Variants in EIF2B3 observed in about 807,000 individuals in gnomAD.
The protein encoded by EIF2B3 is translation initiation factor eIF2B subunit gamma.
A neutral mutation model predicts 54.1 loss-of-function variants in EIF2B3; 20 were observed. The observed-to-expected ratio is 0.37, with a 90% confidence interval of 0.26 to 0.54. The LOEUF is 0.54. EIF2B3 is among the 20% of genes least tolerant of loss of function. EIF2B3 has a pLI of 0.86. For synonymous variants in EIF2B3, 153 were observed against 188.1 expected, an observed-to-expected ratio of 0.81 and a Z score of 1.52; for missense variants, 448 against 547.8, an observed-to-expected ratio of 0.82 and a Z score of 1.82.
intron 3 of EIF2B3, among the ~76,000 whole-genome samples, chr1:44,959,551 G>A (rs188601105): frequency 1.7e-4 from 26 of 152,186 alleles, no homozygotes; most frequent in African/African-American, 2.6e-4. Context: ...TCTAAAAAAC[G>A]TAAAGATAAT....
chr1:44,907,513 G>A (rs773241986), intron 5 of EIF2B3, among the ~76,000 whole-genome samples: 4 of 152,084 alleles, frequency 2.6e-5, no homozygotes, highest in African/African-American at 4.8e-5. Context: ...AGCCAAGATC[G>A]TGCCATTGCA....
At chr1:44,867,309 C>T (rs1043185913) in intron 10 of EIF2B3, among the ~76,000 whole-genome samples, 1 of 152,110 alleles carries the variant, frequency 6.6e-6, no homozygotes. Context: ...GTGTTTACTA[C>T]ATTGTGGATT....
Position 44,983,465 on chromosome 1 carries a change from G to A in EIF2B3, c.-9-2288C>T, listed in dbSNP as rs115289488. The stretch of plus-strand genomic sequence containing the variant: ...CATAACATTCACAATGTAAAGATAT[G>A]GTCATGTAGATTCTAGCAAGCATTG... On this transcript the variant is annotated intron_variant, in intron 1 of 11. Coordinates refer to ENST00000360403, the MANE Select transcript of EIF2B3 (RefSeq NM_020365.5). Among the ~76,000 whole-genome samples, 791 of 152,292 alleles carry A rather than the reference G, an allele frequency of 5.2e-3. 9 individuals carry two copies. Among genetic ancestry groups the A allele is most frequent in the African/African-American group, 0.018 (753 of 41,550 alleles).
At chr1:44,892,745 C>T (rs1395349969) in intron 6 of EIF2B3, among the ~76,000 whole-genome samples, 1 of 152,202 alleles carries the variant, frequency 6.6e-6, no homozygotes, top group Non-Finnish European at 1.5e-5. Flanking sequence ...TTGGCAGCAC[C>T]TGCATCTTCA....
intron 5 of EIF2B3, among the ~76,000 whole-genome samples, chr1:44,914,613 A>G (rs1451346912): frequency 6.6e-6 from 1 of 152,244 alleles, no homozygotes; most frequent in African/African-American, 2.4e-5. Context: ...CTTATTTTAC[A>G]GAATTCAAGG....
In EIF2B3 at chr1:44,942,377, T is replaced by TTTTATATATATATA. The variant is rs1318229963; in HGVS notation, c.295-713_295-712insTATATATATATAAA. On this transcript the variant is annotated intron_variant, in intron 3 of 11. Transcript: ENST00000360403. ...TCTCTTATTGGTGGGCTTTCTGATT[T>TTTTATATATATATA]TATATATATATATATATATATATAT... Among the ~76,000 whole-genome samples, 3 of 21,598 alleles carry TTTTATATATATATA rather than the reference T, an allele frequency of 1.4e-4. 1 individual carries two copies. The highest frequency in any genetic ancestry group is 8.9e-4 in the African/African-American group (3 of 3,376). 14.2% of individuals were successfully genotyped at this position (21,598 alleles called of 152,430 possible).
At chr1:44,951,556 T>C (rs535704024) in intron 3 of EIF2B3, among the ~76,000 whole-genome samples, 2 of 152,188 alleles carry the variant, frequency 1.3e-5, no homozygotes, top group Non-Finnish European at 2.9e-5. Flanking sequence ...CAGGTAAAGA[T>C]GCTAGTTATA....
chr1:44,938,969 C>T (rs1203839363), intron 4 of EIF2B3, among the ~76,000 whole-genome samples: 2 of 151,642 alleles, frequency 1.3e-5, no homozygotes, highest in Admixed American at 6.6e-5. Context: ...GGCATGGTGG[C>T]GAGTGCCTAT....
chr1:44,953,150 G>GT (rs1211291987), intron 3 of EIF2B3, among the ~76,000 whole-genome samples: 1 of 95,926 alleles, frequency 1.0e-5, no homozygotes, highest in Non-Finnish European at 1.9e-5. Context: ...CTCCATAAGT[G>GT]TAAAAAAAAA....
At chr1:44,857,842 G>C (rs376165243) in intron 10 of EIF2B3, 35 bp from the exon 11 acceptor site, 28 of 1,594,706 alleles carry the variant, frequency 1.8e-5, no homozygotes, top group Non-Finnish European at 2.4e-5. Context: ...GAGGACCCAA[G>C]GCTCGCATCA....
chr1:44,954,028 C>T (rs1315218915), intron 3 of EIF2B3, among the ~76,000 whole-genome samples: 1 of 152,040 alleles, frequency 6.6e-6, no homozygotes, highest in East Asian at 1.9e-4. Flanking sequence ...GAAAGTGATC[C>T]TGCTATCAGA....
At chr1:44,897,263 G>T in intron 6 of EIF2B3, 92 bp downstream of exon 6, 1 of 902,732 alleles carries the variant, frequency 1.1e-6, no homozygotes, top group Non-Finnish European at 1.8e-6. Context: ...TTTAGAAACT[G>T]GTTATCTAAA....
intron 3 of EIF2B3, among the ~76,000 whole-genome samples, chr1:44,971,442 G>A (rs111683250): frequency 1.3e-5 from 2 of 151,934 alleles, no homozygotes; most frequent in Non-Finnish European, 2.9e-5. Flanking sequence ...CCCCTTTGGA[G>A]GTTACTTTAC....
chr1:44,969,667 T>A (rs2148959450), intron 3 of EIF2B3, among the ~76,000 whole-genome samples: 1 of 152,304 alleles, frequency 6.6e-6, no homozygotes, highest in Non-Finnish European at 1.5e-5. Flanking sequence ...AAAATAAGAT[T>A]TGCTATAGGT....
At chr1:44,851,199 G>C (rs1654256691) in intron 11 of EIF2B3, among the ~76,000 whole-genome samples, 196 bp from the exon 12 acceptor site, 1 of 151,976 alleles carries the variant, frequency 6.6e-6, no homozygotes, top group East Asian at 1.9e-4. Flanking sequence ...TGAGTAGCTG[G>C]GATTACAGGC....
chr1:44,861,079 G>A (rs1654597593), intron 10 of EIF2B3, among the ~76,000 whole-genome samples: 1 of 152,234 alleles, frequency 6.6e-6, no homozygotes, highest in Non-Finnish European at 1.5e-5. Flanking sequence ...CACCTCTGTG[G>A]TGTAGGCTAG....
chr1:44,971,371 AG>A (rs567291496), intron 3 of EIF2B3, among the ~76,000 whole-genome samples: 2,908 of 107,686 alleles, frequency 0.027, 45 homozygotes, highest in Admixed American at 0.038. Flanking sequence ...CTCCGTCTCC[AG>A]AAAAAAAAAA....
In EIF2B3 at chr1:44,909,319, A is replaced by AT. The variant is rs113109195; in HGVS notation, c.567-11876dup. On this transcript the variant is annotated intron_variant, in intron 5 of 11. Coordinates refer to ENST00000360403, the MANE Select transcript of EIF2B3 (RefSeq NM_020365.5). Reference sequence around the variant, plus strand: ...AAAACTCACTGAAGTGTCAGTACAGATTTTTTTTTTTTTTAAAGACATAAA... The same window carrying AT: ...AAAACTCACTGAAGTGTCAGTACAGATTTTTTTTTTTTTTTAAAGACATAAA... Among the ~76,000 whole-genome samples the AT allele has an allele frequency of 2.3e-3, 339 of 146,304 alleles. 5 individuals are homozygous for AT. The South Asian group carries it at 0.036, about 16-fold the overall frequency.
At chr1:44,873,897 G>A (rs1655040539) in intron 10 of EIF2B3, among the ~76,000 whole-genome samples, 1 of 151,636 alleles carries the variant, frequency 6.6e-6, no homozygotes, top group African/African-American at 2.4e-5. Context: ...TGATGCACCT[G>A]CCTCAGCCTC....
Sources: gnomAD v4.1 joint callset for allele counts (sites outside exome capture counted in the v4.1 genomes callset) on GRCh38, gnomAD v4.1.1 for gene constraint, MANE v1.5 for transcripts, NCBI Gene and HGNC (gene_info 2026-07-23, HGNC 2026-07-21) for gene names.